The following CAMTA1 variants were observed in gnomAD, a reference collection of about 807,000 sequenced individuals.
CAMTA1 encodes calmodulin-binding transcription activator 1.
CAMTA1 carries 27 observed loss-of-function variants against 170.9 expected under a neutral mutation model. The ratio of observed to expected loss-of-function variants is 0.16; its 90% CI spans 0.12 to 0.22. CAMTA1 has a LOEUF of 0.22. Ranked by LOEUF, CAMTA1 falls within the 10% of genes least tolerant of loss-of-function variation. The pLI is 1.00. For synonymous variants in CAMTA1, 833 were observed against 891.5 expected, an observed-to-expected ratio of 0.93 and a Z score of 1.17; for missense variants, 1,619 against 2,217.2, an observed-to-expected ratio of 0.73 and a Z score of 5.42.
intron 4 of CAMTA1, among the ~76,000 whole-genome samples, chr1:7,159,470 T>A (rs1195359192): frequency 6.6e-6 from 1 of 152,154 alleles, no homozygotes; most frequent in Admixed American, 6.5e-5. Context: ...GACTTCCCTG[T>A]GTGCCTTCCG....
chr1:7,317,773 T>C (rs1320369416), intron 5 of CAMTA1, among the ~76,000 whole-genome samples: 1 of 152,226 alleles, frequency 6.6e-6, no homozygotes, highest in Admixed American at 6.5e-5. Flanking sequence ...AACAAGGGGC[T>C]AGAGGGCATA....
At chr1:7,468,980 C>G (rs1437692144) in intron 6 of CAMTA1, among the ~76,000 whole-genome samples, 2 of 152,184 alleles carry the variant, frequency 1.3e-5, no homozygotes, top group Admixed American at 6.5e-5. Context: ...GGGCCGGAGC[C>G]ATGTCGATGT....
intron 5 of CAMTA1, among the ~76,000 whole-genome samples, chr1:7,284,215 T>TATTATTATC (rs1553121837): frequency 6.8e-6 from 1 of 146,830 alleles, no homozygotes; most frequent in Admixed American, 6.8e-5. Flanking sequence ...TTATTATTAT[T>TATTATTATC]ATTTCTGAGA....
intron 4 of CAMTA1, among the ~76,000 whole-genome samples, chr1:7,148,282 G>A (rs567573496): frequency 1.3e-5 from 2 of 150,626 alleles, no homozygotes; most frequent in African/African-American, 4.9e-5. Flanking sequence ...CATACACCAA[G>A]CACATGCATA....
At chr1:7,175,408 C>G (rs564182888) in intron 4 of CAMTA1, among the ~76,000 whole-genome samples, 9 of 152,328 alleles carry the variant, frequency 5.9e-5, no homozygotes, top group African/African-American at 2.2e-4. Flanking sequence ...TTCAAGAAAG[C>G]CAGAGTATCT....
In CAMTA1 at chr1:7,565,087, G is replaced by C. The variant is rs1211992849; in HGVS notation, c.511-75313G>C. Among the ~76,000 whole-genome samples, 2 of 151,954 alleles carry C rather than the reference G, an allele frequency of 1.3e-5. No individual in the cohort carries two copies. The highest frequency in any genetic ancestry group is 4.8e-5 in the African/African-American group (2 of 41,368). On this transcript the variant is annotated intron_variant, in intron 6 of 22. Transcript: ENST00000303635. The surrounding 1 kb of genome is among the most constrained non-coding windows in gnomAD (Gnocchi z 4.5). ...GTGAGGGACCCAAAGCAGAGGGGCT[G>C]TGGGTGCCAGGGGGCTCCCTGGGGA... is the stretch of plus-strand genomic sequence containing the variant.
At chr1:7,342,461 G>A (rs778694574) in intron 5 of CAMTA1, among the ~76,000 whole-genome samples, 17 of 152,294 alleles carry the variant, frequency 1.1e-4, no homozygotes, top group Non-Finnish European at 2.4e-4. Context: ...TGAGGCTCAG[G>A]TTGTGCCTGG....
intron 3 of CAMTA1, chr1:7,008,804 T>C (rs1295150418): frequency 1.3e-5 from 2 of 152,264 alleles, no homozygotes; most frequent in African/African-American, 2.4e-5. Context: ...TGCTTACTTA[T>C]GGTGGAATCC....
rs1224852979 is a variant in CAMTA1 at position 6,964,225 on chromosome 1, G to A, written c.235-127079G>A. ...CTGGGTGCCTGGGTAGGGGTGCAGC[G>A]TCCTGGAGGTCTGGGTAGGAGTGGT... On this transcript the variant is annotated intron_variant, in intron 3 of 22. Transcript: ENST00000303635. 5.3e-5 allele frequency among the ~76,000 whole-genome samples: 8 copies of A among 151,860 alleles called. No individual in the cohort carries two copies. The East Asian group carries it at 9.7e-4, about 18-fold the overall frequency.
chr1:7,677,463 C>T, intron 10 of CAMTA1, 136 bp from the exon 11 acceptor site: 1 of 1,013,784 alleles, frequency 9.9e-7, no homozygotes, highest in Non-Finnish European at 1.5e-6. Context: ...AATGAGCAGG[C>T]ATAGGCTACC....
In CAMTA1 at chr1:7,463,542, CAGAG is replaced by C. The variant is rs993684962; in HGVS notation, c.439-4282_439-4279del. ...AAAGAGATTGAGAGACAGGGAGAGA[CAGAG>C]AGAGAAAGAAGATGAGACAGATACA... On this transcript the variant is annotated intron_variant, in intron 5 of 22. Transcript: ENST00000303635. The surrounding 1 kb of genome is among the most constrained non-coding windows in gnomAD (Gnocchi z 4.7). Among the ~76,000 whole-genome samples, 1 of 151,238 alleles carries C rather than the reference CAGAG, an allele frequency of 6.6e-6. No homozygotes were observed. Among genetic ancestry groups the C allele is most frequent in the Non-Finnish European group, 1.5e-5 (1 of 67,876 alleles).
rs1199043203 is a variant in CAMTA1, at chr1:7,766,850, G to A, written c.*359G>A. 7 of 228,166 alleles carry A rather than the reference G, an allele frequency of 3.1e-5. No individual in the cohort carries two copies. The highest frequency in any genetic ancestry group is 9.1e-5 in the East Asian group (1 of 10,930). 14.1% of individuals were successfully genotyped at this position (228,166 alleles called of 1,614,324 possible). A position where few individuals can be genotyped will look rare whatever the true frequency, so the allele number is the denominator to read the frequency against. ...TCATATAGGGCTGTATTCAAACATC[G>A]TGTGGAACTGTACAAATATTTATAC... is the stretch of plus-strand genomic sequence containing the variant. On this transcript the variant is annotated 3_prime_UTR_variant, in exon 23 of 23. Coordinates refer to ENST00000303635, the MANE Select transcript of CAMTA1 (RefSeq NM_015215.4).
At chr1:6,806,281 A>G (rs1644502463) in intron 1 of CAMTA1, among the ~76,000 whole-genome samples, 1 of 152,180 alleles carries the variant, frequency 6.6e-6, no homozygotes, top group African/African-American at 2.4e-5. Context: ...TAAGTTTTGA[A>G]ATCAGGAACT....
chr1:7,311,702 G>C (rs1204889877), intron 5 of CAMTA1, among the ~76,000 whole-genome samples: 1 of 152,148 alleles, frequency 6.6e-6, no homozygotes, highest in Non-Finnish European at 1.5e-5. Context: ...GAGATCTAAA[G>C]GAGAATGTTG....
At chr1:6,987,456 C>A (rs917913154) in intron 3 of CAMTA1, among the ~76,000 whole-genome samples, 1 of 152,192 alleles carries the variant, frequency 6.6e-6, no homozygotes, top group South Asian at 2.1e-4. Context: ...TGAGCCATCA[C>A]GCCCGGCCAA....
At chr1:7,572,777 A>G (rs74055144) in intron 6 of CAMTA1, among the ~76,000 whole-genome samples, 1 of 152,360 alleles carries the variant, frequency 6.6e-6, no homozygotes, top group African/African-American at 2.4e-5. Context: ...GAAGACACAC[A>G]TGTTCAGACC....
At chr1:6,924,341 G>A (rs550125477) in intron 3 of CAMTA1, among the ~76,000 whole-genome samples, 2 of 151,974 alleles carry the variant, frequency 1.3e-5, no homozygotes, top group South Asian at 4.2e-4. Context: ...GAGGGGGTCA[G>A]GCCAGCTGGG....
At chr1:6,863,554 C>T (rs1221512078) in intron 3 of CAMTA1, among the ~76,000 whole-genome samples, 4 of 152,216 alleles carry the variant, frequency 2.6e-5, no homozygotes, top group Admixed American at 6.5e-5. Context: ...TTTCCTCCCA[C>T]GTCCCCTTCC....
intron 3 of CAMTA1, among the ~76,000 whole-genome samples, chr1:6,926,252 T>C (rs1022941391): frequency 1.3e-5 from 2 of 152,098 alleles, no homozygotes; most frequent in African/African-American, 4.8e-5. Flanking sequence ...TCCCAAACTT[T>C]CTTGCATCTT....
Sources: gnomAD v4.1 joint callset for allele counts (sites outside exome capture counted in the v4.1 genomes callset) on GRCh38, gnomAD v4.1.1 for gene constraint, Gnocchi (gnomAD v3.1) non-coding constraint, MANE v1.5 for transcripts, NCBI Gene and HGNC (gene_info 2026-07-23, HGNC 2026-07-21) for gene names.